Variants in RGPD3 observed in about 807,000 individuals in gnomAD.
RGPD3 encodes the protein RANBP2 like and GRIP domain containing 3.
RGPD3 carries 62 observed loss-of-function variants against 154.5 expected under a neutral mutation model. The ratio of observed to expected loss-of-function variants is 0.40; its 90% CI spans 0.33 to 0.50. RGPD3 has a LOEUF of 0.50. Ranked by LOEUF, RGPD3 falls within the 20% of genes least tolerant of loss-of-function variation. The probability of loss-of-function intolerance (pLI) is 0.59; values close to 1 mark genes in which losing one functional copy is unlikely to be tolerated. For synonymous variants in RGPD3, 308 were observed against 607.0 expected (o/e 0.51, Z 7.24); for missense variants, 919 against 1,716.8 (o/e 0.54, Z 8.21).
intron 3 of RGPD3, among the ~76,000 whole-genome samples, 169 bp downstream of exon 3, chr2:106,457,398 T>C (rs1232358792): frequency 5.3e-5 from 8 of 152,278 alleles, no homozygotes; most frequent in Admixed American, 2.6e-4. Flanking sequence ...TTACAATTTA[T>C]AGGTGTTAAA....
chr2:106,422,997 T>TA (rs1677043166), intron 20 of RGPD3, 46 bp downstream of exon 20: 1 of 1,416,990 alleles, frequency 7.1e-7, no homozygotes, highest in Non-Finnish European at 9.8e-7. Context: ...AGCTAAACAT[T>TA]AAAAGAAAGA....
At chr2:106,415,789 T>C (rs1330200526) in intron 21 of RGPD3, 61 bp downstream of exon 21, 1 of 1,610,862 alleles carries the variant, frequency 6.2e-7, no homozygotes, top group African/African-American at 1.3e-5. Flanking sequence ...GGTACATGTG[T>C]ATGGAGGGTC....
rs751959044 is a variant in RGPD3 at position 106,436,093 on chromosome 2, C to G, written c.1758+30G>C. ...GATTTTAAAAAATTAAGGTAATGTTCTTTTAAAATGCTTATACTTTAAAAC... is the reference window on the plus strand; with the variant it reads ...GATTTTAAAAAATTAAGGTAATGTTGTTTTAAAATGCTTATACTTTAAAAC... On this transcript the variant is annotated intron_variant, in intron 12 of 22. Coordinates refer to ENST00000409886, the MANE Select transcript of RGPD3 (RefSeq NM_001144013.2). The G allele has an allele frequency of 3.2e-6, 5 of 1,571,302 alleles. No homozygotes were observed. The African/African-American group carries it at 6.9e-5, about 22-fold the overall frequency.
Position 106,414,646 on chromosome 2 carries a change from T to C in RGPD3, c.5064+1204A>G, listed in dbSNP as rs531454395. Among the ~76,000 whole-genome samples, 10 of 151,604 alleles carry C rather than the reference T, an allele frequency of 6.6e-5. No individual in the cohort carries two copies. In the East Asian group the frequency reaches 1.2e-3, roughly 18 times the overall value. Reference sequence around the variant, plus strand: ...AAAAAAAAAAAGAAAATATAACATTTAAATAAGTCATTTAGGTTTACTGGG... The same window carrying C: ...AAAAAAAAAAAGAAAATATAACATTCAAATAAGTCATTTAGGTTTACTGGG... On this transcript the variant is annotated intron_variant, in intron 21 of 22. Coordinates refer to ENST00000409886, the MANE Select transcript of RGPD3 (RefSeq NM_001144013.2).
At position 106,424,530 on chromosome 2, in the gene RGPD3, C is replaced by A; in HGVS notation, c.3437G>T (p.Arg1146Leu). 1.2e-6 allele frequency: 2 copies of A among 1,607,464 alleles called. No individual in the cohort carries two copies. The highest frequency in any genetic ancestry group is 2.3e-4 in the Middle Eastern group (1 of 4,430). ...DFSDGDAKLE[R>L]LAAKFKTPEL... Reference sequence around the variant, plus strand: ...TGGTGTTTTAAATTTTGCTGCCAATCGCTCTAGTTTGGCATCACCATCAGA... The same window carrying A: ...TGGTGTTTTAAATTTTGCTGCCAATAGCTCTAGTTTGGCATCACCATCAGA... The change falls in exon 20 of 23, where the codon CGA becomes CTA. Residue 1146 changes from arginine (R) to leucine (L), a missense_variant. Transcript: ENST00000409886.
chr2:106,407,213 C>T (rs1486203015), intron 22 of RGPD3, among the ~76,000 whole-genome samples: 2 of 151,538 alleles, frequency 1.3e-5, no homozygotes, highest in Non-Finnish European at 2.9e-5. Context: ...CTTGCTTCAA[C>T]AAAGTGTGCA....
chr2:106,466,969 G>A (rs74180274), intron 1 of RGPD3, among the ~76,000 whole-genome samples: 1 of 82,320 alleles, frequency 1.2e-5, no homozygotes, highest in African/African-American at 4.2e-5. Context: ...CATCGAGGCC[G>A]CCGCAGGGCC....
chr2:106,412,345 G>A (rs886383909), intron 22 of RGPD3, among the ~76,000 whole-genome samples: 11 of 111,696 alleles, frequency 9.8e-5, no homozygotes, highest in African/African-American at 3.9e-4. Flanking sequence ...ATGGAGTCTC[G>A]CTCTGCCGTC....
At chr2:106,412,619 T>C (rs1676711347) in intron 22 of RGPD3, 1 of 347,076 alleles carries the variant, frequency 2.9e-6, no homozygotes, top group South Asian at 2.3e-5. Context: ...TATGGCACAG[T>C]TTTAAAACTG....
upstream of RGPD3, among the ~76,000 whole-genome samples, chr2:106,469,957 C>T (rs932635167): frequency 7.2e-5 from 11 of 152,200 alleles, no homozygotes; most frequent in African/African-American, 2.7e-4. Flanking sequence ...ACCACCTTTT[C>T]ATCCTTTCTC....
intron 9 of RGPD3, among the ~76,000 whole-genome samples, chr2:106,438,292 C>T (rs925494144): frequency 5.9e-5 from 9 of 151,692 alleles, no homozygotes; most frequent in Admixed American, 2.6e-4. Flanking sequence ...GGAGACTAGC[C>T]TGGGCAACAA....
chr2:106,413,674 G>C (rs1396015584), intron 21 of RGPD3, among the ~76,000 whole-genome samples: 4 of 152,146 alleles, frequency 2.6e-5, no homozygotes, highest in Non-Finnish European at 5.9e-5. Context: ...AAAAGTAGAT[G>C]AGACACATCA....
intron 12 of RGPD3, among the ~76,000 whole-genome samples, chr2:106,435,624 C>T (rs1177957821): frequency 6.8e-5 from 10 of 146,118 alleles, no homozygotes; most frequent in East Asian, 4.2e-4. Context: ...CCACCGCACC[C>T]GGCCTCTACA....
intron 9 of RGPD3, among the ~76,000 whole-genome samples, chr2:106,437,672 T>G (rs951791239): frequency 1.3e-5 from 2 of 152,148 alleles, no homozygotes; most frequent in African/African-American, 4.8e-5. Context: ...TAACTTGCCA[T>G]GAAGACACTT....
At chr2:106,448,927 G>A (rs1400614147) in intron 6 of RGPD3, among the ~76,000 whole-genome samples, 6 of 150,716 alleles carry the variant, frequency 4.0e-5, no homozygotes, top group Non-Finnish European at 7.4e-5. Flanking sequence ...TCCTGACTTC[G>A]TGATCCACCC....
Position 106,429,641 on chromosome 2 carries a change from C to A in RGPD3, c.2605+5G>T. Reference sequence around the variant, plus strand: ...AAATATGCGATTATCCACTTGCCAGCTCACCTGTTAGTGGAGCCCCATGAA... The same window carrying A: ...AAATATGCGATTATCCACTTGCCAGATCACCTGTTAGTGGAGCCCCATGAA... On this transcript the variant is annotated splice_donor_5th_base_variant and intron_variant, in intron 18 of 22. Transcript: ENST00000409886. 7.0e-7 allele frequency: 1 copy of A among 1,437,844 alleles called. No individual in the cohort carries two copies. Among genetic ancestry groups the A allele is most frequent in the Non-Finnish European group, 9.3e-7 (1 of 1,077,368 alleles). 89.1% of individuals were successfully genotyped at this position (1,437,844 alleles called of 1,614,324 possible).
chr2:106,412,341 T>G, intron 22 of RGPD3, among the ~76,000 whole-genome samples: 1 of 121,834 alleles, frequency 8.2e-6, no homozygotes, highest in Admixed American at 1.0e-4. Flanking sequence ...TGAGATGGAG[T>G]CTCGCTCTGC....
At chr2:106,414,883 G>A (rs1676777974) in intron 21 of RGPD3, among the ~76,000 whole-genome samples, 1 of 151,876 alleles carries the variant, frequency 6.6e-6, no homozygotes, top group Non-Finnish European at 1.5e-5. Flanking sequence ...AAAGTACAGG[G>A]GAAAAGCATG....
intron 21 of RGPD3, among the ~76,000 whole-genome samples, chr2:106,413,848 TG>T (rs1171173792): frequency 6.6e-6 from 1 of 152,138 alleles, no homozygotes; most frequent in Non-Finnish European, 1.5e-5. Flanking sequence ...GGGGAACTGA[TG>T]GAACGTCTCC....
Sources: gnomAD v4.1 joint callset for allele counts (sites outside exome capture counted in the v4.1 genomes callset) on GRCh38, gnomAD v4.1.1 for gene constraint, MANE v1.5 for transcripts, NCBI Gene and HGNC (gene_info 2026-07-23, HGNC 2026-07-21) for gene names.